The following TIAM2 variants were observed in gnomAD, a reference collection of about 807,000 sequenced individuals.
The protein encoded by TIAM2 is rho guanine nucleotide exchange factor TIAM2.
A neutral mutation model predicts 152.9 loss-of-function variants in TIAM2; 80 were observed. The observed-to-expected ratio is 0.52, with a 90% CI of 0.44 to 0.63. The LOEUF (loss-of-function observed/expected upper bound fraction) is 0.63, where lower values mean the gene tolerates loss of function less well. TIAM2 is among the 30% of genes least tolerant of loss of function. TIAM2 has a pLI of 0.00. For synonymous variants in TIAM2, 804 were observed against 838.0 expected (o/e 0.96, Z 0.70); for missense variants, 1,965 against 2,120.1 (o/e 0.93, Z 1.44).
At chr6:155,021,543 C>G (rs1239873603) in intron 1 of TIAM2, among the ~76,000 whole-genome samples, 1 of 152,016 alleles carries the variant, frequency 6.6e-6, no homozygotes, top group Admixed American at 6.6e-5. Context: ...ATTACAGGCA[C>G]GAGCCACCGC....
chr6:155,046,849 T>C (rs953085929), intron 1 of TIAM2, among the ~76,000 whole-genome samples: 1 of 152,202 alleles, frequency 6.6e-6, no homozygotes, highest in Admixed American at 6.5e-5. Flanking sequence ...CCACTGCCTC[T>C]TGGGTTTTGA....
intron 1 of TIAM2, among the ~76,000 whole-genome samples, chr6:155,079,993 A>G (rs975481622): frequency 2.0e-5 from 3 of 152,066 alleles, no homozygotes; most frequent in Non-Finnish European, 2.9e-5. Flanking sequence ...TCTTATGTGG[A>G]TTTGCTGCTT....
intron 5 of TIAM2, among the ~76,000 whole-genome samples, chr6:155,142,565 G>A (rs1323301227): frequency 6.6e-6 from 1 of 152,202 alleles, no homozygotes. Flanking sequence ...CTCGGGCCCC[G>A]GGTCATGGCT....
intron 1 of TIAM2, among the ~76,000 whole-genome samples, chr6:155,029,887 G>C (rs1776791118): frequency 6.6e-6 from 1 of 151,558 alleles, no homozygotes; most frequent in African/African-American, 2.4e-5. Flanking sequence ...CCGCCTCCCA[G>C]ACACAAGCCA....
chr6:155,252,879 C>T, intron 23 of TIAM2, 69 bp from the exon 24 acceptor site: 1 of 1,395,576 alleles, frequency 7.2e-7, no homozygotes, highest in South Asian at 1.2e-5. Flanking sequence ...AACTTCTATT[C>T]ACTGTGCACA....
chr6:155,066,854 C>T lies in TIAM2; in HGVS notation c.-208-23435C>T, dbSNP rs527587182. 3.9e-3 allele frequency among the ~76,000 whole-genome samples: 597 copies of T among 152,198 alleles called. 4 individuals are homozygous for T. The highest frequency in any genetic ancestry group is 0.014 in the African/African-American group (562 of 41,544). Reference sequence around the variant, plus strand: ...CACTGCAACCTCTGCCTCCCAGGTTCAAGCGATTCTCCTGCCTCAGCCTCC... The same window carrying T: ...CACTGCAACCTCTGCCTCCCAGGTTTAAGCGATTCTCCTGCCTCAGCCTCC... On this transcript the variant is annotated intron_variant, in intron 1 of 26. Transcript: ENST00000682666.
At chr6:155,034,942 A>AT in intron 1 of TIAM2, among the ~76,000 whole-genome samples, 1 of 152,310 alleles carries the variant, frequency 6.6e-6, no homozygotes, top group South Asian at 2.1e-4. Context: ...ATGAATTAAT[A>AT]TTTTTTAATG....
At chr6:155,018,236 G>GAAA (rs66755799) in intron 1 of TIAM2, among the ~76,000 whole-genome samples, 1 of 143,120 alleles carries the variant, frequency 7.0e-6, no homozygotes. Context: ...AGACTGTCTC[G>GAAA]AAAAAAAAAA....
chr6:155,191,215 G>A (rs371129318), intron 14 of TIAM2, among the ~76,000 whole-genome samples: 34 of 152,272 alleles, frequency 2.2e-4, no homozygotes, highest in African/African-American at 7.2e-4. Flanking sequence ...TTCAGGTCCT[G>A]GCTCCAGCCT....
chr6:155,185,926 C>T (rs1781034094), intron 14 of TIAM2, among the ~76,000 whole-genome samples: 1 of 152,198 alleles, frequency 6.6e-6, no homozygotes, highest in African/African-American at 2.4e-5. Context: ...CAGCAGACTC[C>T]TTCCCCAGAC....
At chr6:155,088,801 T>A (rs1778230668) in intron 1 of TIAM2, among the ~76,000 whole-genome samples, 1 of 152,188 alleles carries the variant, frequency 6.6e-6, no homozygotes, top group Admixed American at 6.5e-5. Flanking sequence ...TTAGACCTTT[T>A]TTGCAATTTT....
intron 2 of TIAM2, among the ~76,000 whole-genome samples, chr6:155,103,816 G>A (rs1778603268): frequency 6.8e-6 from 1 of 147,936 alleles, no homozygotes; most frequent in Non-Finnish European, 1.5e-5. Context: ...TTTGCTCTCT[G>A]ATACATATCT....
At chr6:155,209,017 T>G (rs1781655712) in intron 14 of TIAM2, among the ~76,000 whole-genome samples, 2 of 151,944 alleles carry the variant, frequency 1.3e-5, no homozygotes. Flanking sequence ...GAAAGTCAAA[T>G]AAATATTCCT....
chr6:155,070,208 A>ATT (rs1777806540), intron 1 of TIAM2, among the ~76,000 whole-genome samples: 1 of 79,350 alleles, frequency 1.3e-5, no homozygotes, highest in Non-Finnish European at 2.2e-5. Context: ...GCCTGGCCAG[A>ATT]CTTTTTTTTT....
rs1045096594 is a variant in TIAM2, at chr6:155,174,128, G to A, written c.2362-2688G>A. Among the ~76,000 whole-genome samples the A allele has an allele frequency of 6.6e-6, 1 of 152,182 alleles. No individual in the cohort carries two copies. The highest frequency in any genetic ancestry group is 1.5e-5 in the Non-Finnish European group (1 of 68,030). On this transcript the variant is annotated intron_variant, in intron 9 of 26. Transcript: ENST00000682666. This position sits in a 1 kb window ranked among gnomAD's most constrained non-coding sequence, Gnocchi z 4.2. ...TATAAAGGGAGTTAACTGCCAGGCGGGCATTCTGTGTAGTATAGTGGTGGT... is the reference window on the plus strand; with the variant it reads ...TATAAAGGGAGTTAACTGCCAGGCGAGCATTCTGTGTAGTATAGTGGTGGT...
chr6:155,183,146 C>T (rs929948293), intron 13 of TIAM2, 91 bp from the exon 14 acceptor site: 38 of 1,494,840 alleles, frequency 2.5e-5, no homozygotes, highest in Non-Finnish European at 3.3e-5. Flanking sequence ...CCTACGAGTA[C>T]ATGGTTTGAG....
intron 5 of TIAM2, among the ~76,000 whole-genome samples, chr6:155,142,615 G>A (rs1341507967): frequency 6.6e-6 from 1 of 152,210 alleles, no homozygotes; most frequent in Non-Finnish European, 1.5e-5. Flanking sequence ...GGCCTTACTC[G>A]ATGAGAAGAC....
chr6:155,163,358 CTCTTCACCTAT>C (rs1780325525), intron 7 of TIAM2, among the ~76,000 whole-genome samples: 7 of 152,186 alleles, frequency 4.6e-5, no homozygotes, highest in Admixed American at 4.6e-4. Context: ...ACAAGAGCCT[CTCTTCACCTAT>C]TATTAATAAC....
At chr6:155,057,498 C>T (rs1350680260) in intron 1 of TIAM2, among the ~76,000 whole-genome samples, 1 of 147,236 alleles carries the variant, frequency 6.8e-6, no homozygotes, top group Non-Finnish European at 1.5e-5. Context: ...TATTTGTCAC[C>T]CTTTTTCTAC....
Sources: gnomAD v4.1 joint callset for allele counts (sites outside exome capture counted in the v4.1 genomes callset) on GRCh38, gnomAD v4.1.1 for gene constraint, Gnocchi (gnomAD v3.1) non-coding constraint, MANE v1.5 for transcripts, NCBI Gene and HGNC (gene_info 2026-07-23, HGNC 2026-07-21) for gene names.